Variants in RPSA2 observed in about 807,000 individuals in gnomAD.
RPSA2 encodes ribosomal protein SA 2, also known as small ribosomal subunit protein uS2B.
At chr19:23,841,280 T>C in the RPSA2 span, among the ~76,000 whole-genome samples, 1 of 152,032 alleles carries the variant, frequency 6.6e-6, no homozygotes, top group Non-Finnish European at 1.5e-5. Context: ...CTGGCTAACA[T>C]GGTGAAACCC....
At chr19:23,775,465 GC>G in the RPSA2 span, among the ~76,000 whole-genome samples, 1 of 152,158 alleles carries the variant, frequency 6.6e-6, no homozygotes, top group African/African-American at 2.4e-5. Flanking sequence ...AAGTCTCCCA[GC>G]CACAAAAGAT....
At chr19:23,865,476 G>T in the RPSA2 span, among the ~76,000 whole-genome samples, 1 of 152,092 alleles carries the variant, frequency 6.6e-6, no homozygotes, top group Admixed American at 6.5e-5. Context: ...TCTGCTTGGG[G>T]TTTGGTTCGC....
At chr19:23,779,876 T>C in the RPSA2 span, among the ~76,000 whole-genome samples, 1 of 152,106 alleles carries the variant, frequency 6.6e-6, no homozygotes, top group Non-Finnish European at 1.5e-5. Flanking sequence ...CAGGAGAAAA[T>C]TGTAACACGT....
chr19:23,794,162 G>A, the RPSA2 span, among the ~76,000 whole-genome samples: 5 of 152,100 alleles, frequency 3.3e-5, no homozygotes, highest in South Asian at 2.1e-4. Context: ...CAGTGAACAC[G>A]CTTGTGCATG....
At chr19:23,783,015 A>C in the RPSA2 span, among the ~76,000 whole-genome samples, 1 of 152,062 alleles carries the variant, frequency 6.6e-6, no homozygotes, top group South Asian at 2.1e-4. Flanking sequence ...TGTGATGTGC[A>C]TTTAGGTGCG....
At chr19:23,760,901 G>A in the RPSA2 span, among the ~76,000 whole-genome samples, 1 of 151,298 alleles carries the variant, frequency 6.6e-6, no homozygotes, top group South Asian at 2.1e-4. Flanking sequence ...CTGACCTCAG[G>A]TGATCTGCCC....
chr19:23,764,338 G>T, the RPSA2 span, among the ~76,000 whole-genome samples: 1 of 152,128 alleles, frequency 6.6e-6, no homozygotes, highest in Non-Finnish European at 1.5e-5. Context: ...AGGAAATGAG[G>T]ACAAACAACT....
At chr19:23,766,539 C>T in the RPSA2 span, among the ~76,000 whole-genome samples, 1 of 151,008 alleles carries the variant, frequency 6.6e-6, no homozygotes, top group Non-Finnish European at 1.5e-5. Context: ...ACTGCAAGCT[C>T]CGCCTCCCGG....
chr19:23,822,529 T>C, the RPSA2 span, among the ~76,000 whole-genome samples: 1 of 152,072 alleles, frequency 6.6e-6, no homozygotes, highest in Non-Finnish European at 1.5e-5. Flanking sequence ...AGGAGATTAG[T>C]GGTAGAAAAA....
the RPSA2 span, among the ~76,000 whole-genome samples, chr19:23,795,856 G>A: frequency 1.3e-5 from 2 of 152,096 alleles, no homozygotes; most frequent in African/African-American, 4.8e-5. Flanking sequence ...GCTCACTGCA[G>A]ACTCTGCCTT....
the RPSA2 span, among the ~76,000 whole-genome samples, chr19:23,830,644 A>T: frequency 1.3e-5 from 2 of 150,986 alleles, no homozygotes; most frequent in African/African-American, 4.9e-5. Flanking sequence ...GTTTTTTTGA[A>T]ATCTTAAATA....
the RPSA2 span, among the ~76,000 whole-genome samples, chr19:23,837,263 T>C: frequency 6.6e-6 from 1 of 152,170 alleles, no homozygotes; most frequent in Admixed American, 6.6e-5. Context: ...CTTTATGTTT[T>C]TGTTTGCTTT....
chr19:23,790,847 G>A, the RPSA2 span: 2 of 529,568 alleles, frequency 3.8e-6, no homozygotes, highest in Non-Finnish European at 6.9e-6. Flanking sequence ...GCTGTGGTGG[G>A]ACTCAGGCCT....
the RPSA2 span, among the ~76,000 whole-genome samples, chr19:23,787,757 C>G: frequency 6.6e-6 from 1 of 152,132 alleles, no homozygotes; most frequent in Non-Finnish European, 1.5e-5. Context: ...TCTTTTATTT[C>G]TTACTTTTTC....
chr19:23,781,322 C>T, the RPSA2 span, among the ~76,000 whole-genome samples: 1 of 151,864 alleles, frequency 6.6e-6, no homozygotes, highest in Non-Finnish European at 1.5e-5. Context: ...GTGACTGTAA[C>T]CTCACTAAGG....
At chr19:23,787,874 C>T in the RPSA2 span, among the ~76,000 whole-genome samples, 29 of 152,320 alleles carry the variant, frequency 1.9e-4, 1 homozygote, top group South Asian at 6.0e-3. Context: ...CTGCGCCCTG[C>T]CCATAGATGA....
At chr19:23,824,017 T>C in the RPSA2 span, 1 of 152,186 alleles carries the variant, frequency 6.6e-6, no homozygotes, top group Non-Finnish European at 1.5e-5. Context: ...TAGAGGATTT[T>C]ATTAAGGTGC....
the RPSA2 span, among the ~76,000 whole-genome samples, chr19:23,773,700 A>C: frequency 6.6e-6 from 1 of 152,184 alleles, no homozygotes; most frequent in African/African-American, 2.4e-5. Context: ...CAGAGGTGGA[A>C]AAATTGACTC....
At chr19:23,833,168 C>G in the RPSA2 span, 1 of 1,193,784 alleles carries the variant, frequency 8.4e-7, no homozygotes, top group African/African-American at 1.6e-5. Flanking sequence ...AATGCCTTTT[C>G]CTGGTCCTCA....
Sources: gnomAD v4.1 joint callset for allele counts (sites outside exome capture counted in the v4.1 genomes callset) on GRCh38, gnomAD v4.1.1 for gene constraint, MANE v1.5 for transcripts, NCBI Gene and HGNC (gene_info 2026-07-23, HGNC 2026-07-21) for gene names.